The following GALNTL6 variants were observed in gnomAD, a reference collection of about 807,000 sequenced individuals.
GALNTL6 encodes polypeptide N-acetylgalactosaminyltransferase like 6, also known as polypeptide N-acetylgalactosaminyltransferase-like 6.
In GALNTL6, 46 loss-of-function variants were observed where a neutral mutation model predicts 73.7. That is an observed-to-expected ratio of 0.62 (90% CI 0.49 to 0.80). The LOEUF (loss-of-function observed/expected upper bound fraction) is 0.80. GALNTL6 is among the 30% of genes least tolerant of loss of function. The pLI is 0.00. For synonymous variants in GALNTL6, 259 were observed against 263.7 expected (o/e 0.98, Z 0.17); for missense variants, 604 against 755.0 (o/e 0.80, Z 2.34).
At chr4:171,991,346 T>C (rs909028801) in intron 2 of GALNTL6, among the ~76,000 whole-genome samples, 10 of 152,186 alleles carry the variant, frequency 6.6e-5, no homozygotes, top group African/African-American at 2.4e-4. Flanking sequence ...CTGAAATATT[T>C]CCCAAATCTC....
chr4:172,718,559 G>A (rs967255209), intron 5 of GALNTL6, among the ~76,000 whole-genome samples: 3 of 152,020 alleles, frequency 2.0e-5, no homozygotes, highest in Non-Finnish European at 2.9e-5. Context: ...GATCACTTGA[G>A]CCTGGGAGGT....
intron 5 of GALNTL6, among the ~76,000 whole-genome samples, chr4:172,625,472 A>T (rs1739131259): frequency 6.6e-6 from 1 of 152,056 alleles, no homozygotes; most frequent in Admixed American, 6.6e-5. Flanking sequence ...TGTGAATAGC[A>T]TCACGATGAA....
intron 7 of GALNTL6, among the ~76,000 whole-genome samples, chr4:172,873,887 T>A (rs1353444202): frequency 1.3e-5 from 2 of 152,186 alleles, no homozygotes; most frequent in African/African-American, 4.8e-5. Context: ...AATTTTTGCT[T>A]GATATAAAGT....
intron 3 of GALNTL6, among the ~76,000 whole-genome samples, chr4:172,258,713 G>A (rs1290890571): frequency 1.3e-5 from 2 of 151,168 alleles, no homozygotes; most frequent in African/African-American, 4.8e-5. Flanking sequence ...ACCAGTGATT[G>A]AACCCAATGT....
At chr4:172,392,572 C>A (rs1314875838) in intron 5 of GALNTL6, among the ~76,000 whole-genome samples, 6 of 151,772 alleles carry the variant, frequency 4.0e-5, no homozygotes, top group Non-Finnish European at 8.8e-5. Flanking sequence ...CATTCCTGGG[C>A]AATTTACAGT....
Position 172,156,555 on chromosome 4 carries a change from A to G in GALNTL6, c.139-73101A>G, listed in dbSNP as rs1236158207. 4.4e-5 allele frequency among the ~76,000 whole-genome samples: 6 copies of G among 136,462 alleles called. 1 individual carries two copies. The highest frequency in any genetic ancestry group is 1.7e-4 in the African/African-American group (6 of 34,296). 89.5% of individuals were successfully genotyped at this position (136,462 alleles called of 152,430 possible). A position where few individuals can be genotyped will look rare whatever the true frequency, so the allele number is the denominator to read the frequency against. On this transcript the variant is annotated intron_variant, in intron 2 of 12. Transcript: ENST00000506823. Reference sequence around the variant, plus strand: ...ATATATATATAATATATATATATATATATATATATATACATACTATATATA... The same window carrying G: ...ATATATATATAATATATATATATATGTATATATATATACATACTATATATA...
chr4:172,705,648 G>T (rs1734305329), intron 5 of GALNTL6, among the ~76,000 whole-genome samples: 1 of 151,936 alleles, frequency 6.6e-6, no homozygotes, highest in South Asian at 2.1e-4. Flanking sequence ...CCAGATTGAA[G>T]AACTCCCTTT....
chr4:172,941,977 G>T (rs1939587046), intron 9 of GALNTL6, among the ~76,000 whole-genome samples: 1 of 152,136 alleles, frequency 6.6e-6, no homozygotes, highest in Non-Finnish European at 1.5e-5. Context: ...GTTTCTGATG[G>T]TTTATTAGTT....
At chr4:172,944,440 A>G (rs547281955) in intron 9 of GALNTL6, among the ~76,000 whole-genome samples, 4 of 152,352 alleles carry the variant, frequency 2.6e-5, no homozygotes, top group South Asian at 4.1e-4. Flanking sequence ...TGCTTTTATA[A>G]TGGCCAAAAT....
intron 2 of GALNTL6, among the ~76,000 whole-genome samples, chr4:171,907,310 A>ATC (rs1737317386): frequency 6.6e-6 from 1 of 152,204 alleles, no homozygotes; most frequent in Non-Finnish European, 1.5e-5. Context: ...CAGATACAAA[A>ATC]TCAACGTACG....
At chr4:172,560,992 G>A (rs571767071) in intron 5 of GALNTL6, among the ~76,000 whole-genome samples, 14 of 152,080 alleles carry the variant, frequency 9.2e-5, no homozygotes, top group Admixed American at 4.6e-4. Flanking sequence ...GGTGGCTCAC[G>A]CCTGTAATCC....
intron 3 of GALNTL6, among the ~76,000 whole-genome samples, chr4:172,240,085 G>A (rs116538507): frequency 0.021 from 3,216 of 152,216 alleles, 119 homozygotes; most frequent in African/African-American, 0.074. Context: ...TCTTGTGTGA[G>A]GTTGGGGAAA....
intron 5 of GALNTL6, among the ~76,000 whole-genome samples, chr4:172,585,530 G>C (rs1302181448): frequency 1.3e-5 from 2 of 152,076 alleles, no homozygotes; most frequent in Non-Finnish European, 2.9e-5. Flanking sequence ...TCCTGTATTA[G>C]TTTGCTGAGA....
intron 5 of GALNTL6, among the ~76,000 whole-genome samples, chr4:172,719,842 G>T (rs1004639567): frequency 6.6e-6 from 1 of 152,160 alleles, no homozygotes; most frequent in East Asian, 1.9e-4. Context: ...AGGGCTGCTG[G>T]CTGCCCGTTT....
At chr4:172,038,096 TAACA>T (rs1435295863) in intron 2 of GALNTL6, among the ~76,000 whole-genome samples, 1 of 148,142 alleles carries the variant, frequency 6.8e-6, no homozygotes, top group African/African-American at 2.5e-5. Context: ...CCAGCGTGGC[TAACA>T]GAGTGAGACT....
intron 4 of GALNTL6, among the ~76,000 whole-genome samples, chr4:172,343,597 G>A (rs1364178736): frequency 6.6e-6 from 1 of 152,010 alleles, no homozygotes; most frequent in African/African-American, 2.4e-5. Context: ...AAGAATAAAT[G>A]TTAAGTATGT....
intron 4 of GALNTL6, among the ~76,000 whole-genome samples, chr4:172,337,735 G>GGA (rs1237618511): frequency 6.8e-6 from 1 of 146,916 alleles, no homozygotes; most frequent in Non-Finnish European, 1.5e-5. Context: ...TGATCAGTCT[G>GGA]GTGATTATAT....
intron 2 of GALNTL6, among the ~76,000 whole-genome samples, chr4:172,173,141 A>C (rs967154441): frequency 2.6e-5 from 4 of 152,218 alleles, no homozygotes; most frequent in Non-Finnish European, 5.9e-5. Flanking sequence ...CAATTTTAGT[A>C]AATTAAAAGA....
intron 2 of GALNTL6, among the ~76,000 whole-genome samples, chr4:171,883,797 G>A (rs572380010): frequency 0.012 from 1,854 of 151,924 alleles, 23 homozygotes; most frequent in Middle Eastern, 0.017. Context: ...ACAGGCGCCT[G>A]CCACCACACC....
Sources: gnomAD v4.1 joint callset for allele counts (sites outside exome capture counted in the v4.1 genomes callset) on GRCh38, gnomAD v4.1.1 for gene constraint, MANE v1.5 for transcripts, NCBI Gene and HGNC (gene_info 2026-07-23, HGNC 2026-07-21) for gene names.